Variants in CCDC63 observed in about 807,000 individuals in gnomAD.
CCDC63 encodes the protein coiled-coil domain containing 63, also known as coiled-coil domain-containing protein 63.
CCDC63 carries 54 observed loss-of-function variants against 63.6 expected under a neutral mutation model. That is an observed-to-expected ratio of 0.85 (90% CI 0.68 to 1.07). The LOEUF is 1.07. Among genes scored for constraint, CCDC63 ranks in the 50% least tolerant of loss-of-function variants. The probability of loss-of-function intolerance (pLI) is 0.00; values close to 1 mark genes in which losing one functional copy is unlikely to be tolerated. For synonymous variants in CCDC63, 253 were observed against 266.1 expected (o/e 0.95, Z 0.48); for missense variants, 637 against 689.6 (o/e 0.92, Z 0.86).
intron 4 of CCDC63, among the ~76,000 whole-genome samples, chr12:110,867,499 G>A (rs1261913252): frequency 4.5e-5 from 2 of 44,574 alleles, no homozygotes; most frequent in South Asian, 7.5e-4. Context: ...CCTCACCTCC[G>A]GGATGGGGCG....
intron 1 of CCDC63, among the ~76,000 whole-genome samples, chr12:110,852,316 C>CG (rs2070714415): frequency 6.6e-6 from 1 of 152,008 alleles, no homozygotes; most frequent in African/African-American, 2.4e-5. Context: ...AGTGCAGTGG[C>CG]GCGATCTCGG....
chr12:110,888,860 TCG>T, intron 8 of CCDC63, among the ~76,000 whole-genome samples: 4 of 130,486 alleles, frequency 3.1e-5, no homozygotes, highest in Admixed American at 7.8e-5. Flanking sequence ...CTTCCTTCCT[TCG>T]TTTTTCTTTC....
chr12:110,858,871 C>G, intron 4 of CCDC63, 96 bp downstream of exon 4: 2 of 1,017,838 alleles, frequency 2.0e-6, no homozygotes, highest in Non-Finnish European at 3.0e-6. Context: ...CCTGACACCC[C>G]TGTATCACAG....
chr12:110,876,724 TA>T (rs935690557), intron 5 of CCDC63, among the ~76,000 whole-genome samples: 3 of 151,886 alleles, frequency 2.0e-5, no homozygotes, highest in African/African-American at 4.8e-5. Flanking sequence ...TAAAAAAACT[TA>T]AAAAATAATT....
At chr12:110,847,589 T>A (rs1015849879) in intron 1 of CCDC63, among the ~76,000 whole-genome samples, 1 of 151,470 alleles carries the variant, frequency 6.6e-6, no homozygotes, top group African/African-American at 2.4e-5. Flanking sequence ...TTCAACAAAT[T>A]TTTATTTTCC....
intron 8 of CCDC63, among the ~76,000 whole-genome samples, chr12:110,888,525 A>C (rs1253568197): frequency 6.6e-6 from 1 of 152,238 alleles, no homozygotes; most frequent in Non-Finnish European, 1.5e-5. Context: ...CTCTTTGTTA[A>C]GGTTACAGAA....
At chr12:110,855,874 C>T (rs761484339) in intron 3 of CCDC63, among the ~76,000 whole-genome samples, 1 of 152,212 alleles carries the variant, frequency 6.6e-6, no homozygotes, top group African/African-American at 2.4e-5. Context: ...AGCCACCGCA[C>T]CAGGCCAAGT....
At chr12:110,866,951 A>T (rs1306304793) in intron 4 of CCDC63, among the ~76,000 whole-genome samples, 1 of 99,184 alleles carries the variant, frequency 1.0e-5, no homozygotes, top group Non-Finnish European at 2.1e-5. Context: ...CGGGGGGCTG[A>T]CCCCCCCACC....
intron 8 of CCDC63, among the ~76,000 whole-genome samples, chr12:110,886,134 C>A (rs1015526349): frequency 3.3e-5 from 5 of 152,150 alleles, no homozygotes; most frequent in Non-Finnish European, 7.3e-5. Flanking sequence ...CACCTGTAAT[C>A]GCAGCACTTT....
At chr12:110,887,212 C>T (rs1474055314) in intron 8 of CCDC63, among the ~76,000 whole-genome samples, 1 of 152,096 alleles carries the variant, frequency 6.6e-6, no homozygotes, top group Non-Finnish European at 1.5e-5. Flanking sequence ...ACTGCAACCT[C>T]CACCTCCCGG....
chr12:110,868,500 T>C (rs1193129283), intron 4 of CCDC63, among the ~76,000 whole-genome samples: 1 of 149,532 alleles, frequency 6.7e-6, no homozygotes, highest in African/African-American at 2.5e-5. Flanking sequence ...GAGGCCGAGG[T>C]TGGCGGATCA....
chr12:110,864,707 C>CAA (rs112919673), intron 4 of CCDC63, among the ~76,000 whole-genome samples: 10,386 of 126,416 alleles, frequency 0.082, 422 homozygotes, highest in South Asian at 0.16. Context: ...GACTCCATCT[C>CAA]AAAAAAAAAA....
rs1372097938 is a variant in CCDC63 at position 110,889,465 on chromosome 12, A to G, written c.1075-3611A>G. On this transcript the variant is annotated intron_variant, in intron 8 of 11. Coordinates refer to ENST00000308208, the MANE Select transcript of CCDC63 (RefSeq NM_152591.3). This position sits in a 1 kb window ranked among gnomAD's most constrained non-coding sequence, Gnocchi z 4.1. Reference sequence around the variant, plus strand: ...GAAGTTAAGATCTGAGTGAACTTACAGGTGAAGGATTGAGCTGTCCAGATC... The same window carrying G: ...GAAGTTAAGATCTGAGTGAACTTACGGGTGAAGGATTGAGCTGTCCAGATC... Among the ~76,000 whole-genome samples, 1 of 152,184 alleles carries G rather than the reference A, an allele frequency of 6.6e-6. No individual in the cohort carries two copies. Among genetic ancestry groups the G allele is most frequent in the East Asian group, 1.9e-4 (1 of 5,198 alleles).
rs555967537 is a variant in CCDC63 at position 110,867,851 on chromosome 12, C to G, written c.370-5991C>G. On this transcript the variant is annotated intron_variant, in intron 4 of 11. Coordinates refer to ENST00000308208, the MANE Select transcript of CCDC63 (RefSeq NM_152591.3). ...CCGGGCAGAGGCGCCCCTCACCTCC[C>G]GGACGGGGTGGCTGCCAGGTGGAGA... Among the ~76,000 whole-genome samples, 592 of 150,022 alleles carry G rather than the reference C, an allele frequency of 3.9e-3. 4 individuals carry two copies. Among genetic ancestry groups the G allele is most frequent in the African/African-American group, 0.014 (565 of 40,578 alleles).
At chr12:110,890,025 T>A (rs909056546) in intron 8 of CCDC63, among the ~76,000 whole-genome samples, 2 of 152,242 alleles carry the variant, frequency 1.3e-5, no homozygotes, top group South Asian at 2.1e-4. Flanking sequence ...TCTGCTTTTT[T>A]AAAAATTAAA....
Position 110,880,031 on chromosome 12 carries a change from GGAGAAGAAAACCATGA to G in CCDC63, c.616_631del (p.Glu206ThrfsTer24). 1.9e-6 allele frequency: 3 copies of G among 1,614,168 alleles called. No individual in the cohort carries two copies. Among genetic ancestry groups the G allele is most frequent in the Non-Finnish European group, 2.5e-6 (3 of 1,180,012 alleles). ...AGCAGCTCCAGCACTGCCTGTTGAT[GGAGAAGAAAACCATGA>G]ACTTGGCCATTGAGCAATCTTCTCA... On this transcript the variant is annotated frameshift_variant, in exon 6 of 12. Coordinates refer to ENST00000308208, the MANE Select transcript of CCDC63 (RefSeq NM_152591.3). LOFTEE classifies it high-confidence loss of function.
chr12:110,892,199 T>G (rs1389246742), intron 8 of CCDC63, among the ~76,000 whole-genome samples: 1 of 152,180 alleles, frequency 6.6e-6, no homozygotes. Context: ...GCCACACTCT[T>G]CAATACCATA....
chr12:110,880,076 C>T lies in CCDC63; in HGVS notation c.660C>T (p.Ala220=). 2 of 1,613,942 alleles carry T rather than the reference C, an allele frequency of 1.2e-6. No individual in the cohort carries two copies. The highest frequency in any genetic ancestry group is 2.2e-5 in the South Asian group (2 of 91,076). ...TGGCCATTGAGCAATCTTCTCAGGC[C>T]TATGAGCAGAGGTGGGCTGGGGATA... ...MNLAIEQSSQ[A]YEQRVEAMAR... is the part of the protein sequence containing the mutation. Residue 220 remains alanine, a synonymous_variant, in exon 6 of 12, where the codon GCC becomes GCT. Transcript: ENST00000308208.
intron 7 of CCDC63, among the ~76,000 whole-genome samples, chr12:110,882,146 G>T (rs1027745917): frequency 1.3e-5 from 2 of 152,178 alleles, no homozygotes. Flanking sequence ...GAAACTGGGC[G>T]CAAGCTTCCA....
Sources: gnomAD v4.1 joint callset for allele counts (sites outside exome capture counted in the v4.1 genomes callset) on GRCh38, gnomAD v4.1.1 for gene constraint, Gnocchi (gnomAD v3.1) non-coding constraint, MANE v1.5 for transcripts, NCBI Gene and HGNC (gene_info 2026-07-23, HGNC 2026-07-21) for gene names.